The following KCTD1 variants were observed in gnomAD, a reference collection of about 807,000 sequenced individuals.
KCTD1 encodes the protein potassium channel tetramerization domain containing 1, also known as BTB/POZ domain-containing protein KCTD1.
Under a neutral mutation model 66.0 loss-of-function variants are expected in KCTD1, and 24 were observed. The ratio of observed to expected loss-of-function variants is 0.36; its 90% confidence interval spans 0.26 to 0.51. KCTD1 has a LOEUF of 0.51. KCTD1 is among the 20% of genes least tolerant of loss of function. The pLI is 0.95. For missense variants in KCTD1, 943 were observed against 1,205.2 expected, an observed-to-expected ratio of 0.78 and a Z score of 3.22; for synonymous variants, 511 against 517.2, an observed-to-expected ratio of 0.99 and a Z score of 0.16.
intron 1 of KCTD1, among the ~76,000 whole-genome samples, chr18:26,638,928 A>G (rs1388503272): frequency 6.6e-6 from 1 of 152,226 alleles, no homozygotes; most frequent in Non-Finnish European, 1.5e-5. Flanking sequence ...CCTGCATGCA[A>G]CAGCCTCCGT....
intron 2 of KCTD1, among the ~76,000 whole-genome samples, chr18:26,496,993 CT>C (rs897184215): frequency 6.6e-6 from 1 of 152,116 alleles, no homozygotes; most frequent in Non-Finnish European, 1.5e-5. Context: ...GGAGCAGGGC[CT>C]TGCATGGCTT....
At chr18:26,638,095 C>G (rs1352947317) in intron 1 of KCTD1, among the ~76,000 whole-genome samples, 1 of 152,220 alleles carries the variant, frequency 6.6e-6, no homozygotes, top group Non-Finnish European at 1.5e-5. Context: ...ATATCCAGGT[C>G]TTTTGCACTC....
intron 4 of KCTD1, chr18:26,457,571 G>C (rs530669967): frequency 1.4e-4 from 22 of 152,156 alleles, no homozygotes; most frequent in African/African-American, 5.3e-4. Flanking sequence ...GCTCTTCTTC[G>C]GAGTCCGATA....
intron 3 of KCTD1, among the ~76,000 whole-genome samples, chr18:26,461,630 C>G (rs182779092): frequency 2.1e-4 from 32 of 152,334 alleles, no homozygotes; most frequent in African/African-American, 7.7e-4. Context: ...GGGATCCCCA[C>G]TCTGGGGCTT....
At chr18:26,554,025 AAAAG>A (rs1008495791) in intron 1 of KCTD1, among the ~76,000 whole-genome samples, 10 of 151,748 alleles carry the variant, frequency 6.6e-5, no homozygotes, top group African/African-American at 2.4e-4. Context: ...AAGATGAAAG[AAAAG>A]AAAGGAAGGA....
At chr18:26,650,449 T>C (rs1988009286) in intron 1 of KCTD1, among the ~76,000 whole-genome samples, 1 of 152,242 alleles carries the variant, frequency 6.6e-6, no homozygotes, top group Non-Finnish European at 1.5e-5. Flanking sequence ...TCTGAGTGCT[T>C]ATTTTGTGCT....
intron 3 of KCTD1, among the ~76,000 whole-genome samples, chr18:26,472,813 C>T (rs1361077549): frequency 6.6e-6 from 1 of 152,234 alleles, no homozygotes; most frequent in Non-Finnish European, 1.5e-5. Flanking sequence ...TAGAACAGTC[C>T]TGGTTCTCTC....
intron 1 of KCTD1, among the ~76,000 whole-genome samples, chr18:26,522,180 G>C (rs1184979193): frequency 6.6e-6 from 1 of 152,164 alleles, no homozygotes. Context: ...TTGGAAATAG[G>C]GTTGCTGCAG....
intron 1 of KCTD1, among the ~76,000 whole-genome samples, chr18:26,615,707 ATTGG>A (rs1236994403): frequency 6.6e-6 from 1 of 152,188 alleles, no homozygotes; most frequent in Non-Finnish European, 1.5e-5. Context: ...GCATGTTTTT[ATTGG>A]TTGGAGACAA....
intron 3 of KCTD1, among the ~76,000 whole-genome samples, chr18:26,463,966 T>A (rs76509174): frequency 6.6e-6 from 1 of 152,114 alleles, no homozygotes; most frequent in Admixed American, 6.5e-5. Flanking sequence ...AAAACAGACA[T>A]GGGTGGTGGA....
intron 1 of KCTD1, among the ~76,000 whole-genome samples, chr18:26,580,713 C>T (rs1466892841): frequency 6.6e-6 from 1 of 151,982 alleles, no homozygotes; most frequent in Non-Finnish European, 1.5e-5. Flanking sequence ...TAATCCGGCC[C>T]CCTATCTATT....
chr18:26,621,127 A>G (rs1480885907), intron 1 of KCTD1, among the ~76,000 whole-genome samples: 1 of 152,186 alleles, frequency 6.6e-6, no homozygotes. Context: ...GCCACCGTGC[A>G]CGGCCGAAAA....
chr18:26,543,135 A>G (rs2144820020), intron 1 of KCTD1: 1 of 152,360 alleles, frequency 6.6e-6, no homozygotes, highest in South Asian at 2.1e-4. Flanking sequence ...GAAGAAAGTT[A>G]TATACTTATG....
At chr18:26,628,934 G>A (rs945227083) in intron 1 of KCTD1, among the ~76,000 whole-genome samples, 3 of 152,164 alleles carry the variant, frequency 2.0e-5, no homozygotes, top group Non-Finnish European at 2.9e-5. Flanking sequence ...GAGAGTTTCC[G>A]ATTACTCTTC....
upstream of KCTD1, chr18:26,549,587 A>T: frequency 1.4e-6 from 1 of 740,178 alleles, no homozygotes. Flanking sequence ...AAGTGACACA[A>T]CTCCCTCGGG....
rs937427173 is a variant in KCTD1 at position 26,657,348 on chromosome 18, G to A, written c.9+12C>T. On this transcript the variant is annotated intron_variant, in intron 1 of 4. Transcript: ENST00000580191. The stretch of plus-strand genomic sequence containing the variant: ...TAGCAAATAATAACAAACCCAAACC[G>A]TCAGATCTTACCTGAAACATTGAAG... 6.1e-6 allele frequency: 6 copies of A among 985,242 alleles called. No individual in the cohort carries two copies. In the African/African-American group the frequency reaches 8.7e-5, roughly 14 times the overall value. 61.0% of individuals were successfully genotyped at this position (985,242 alleles called of 1,614,324 possible).
intron 1 of KCTD1, among the ~76,000 whole-genome samples, chr18:26,635,688 A>C (rs1435880236): frequency 6.6e-6 from 1 of 152,166 alleles, no homozygotes; most frequent in Non-Finnish European, 1.5e-5. Flanking sequence ...AAGGGTCTGC[A>C]TTTCTAACAA....
chr18:26,580,026 A>G (rs1456569189), intron 1 of KCTD1, among the ~76,000 whole-genome samples: 6 of 152,144 alleles, frequency 3.9e-5, no homozygotes, highest in Non-Finnish European at 7.3e-5. Flanking sequence ...GGTAAGTTCC[A>G]TTTTTAGTAA....
At chr18:26,557,987 G>A (rs925923413) in intron 1 of KCTD1, among the ~76,000 whole-genome samples, 1 of 152,166 alleles carries the variant, frequency 6.6e-6, no homozygotes, top group Non-Finnish European at 1.5e-5. Flanking sequence ...GACATTCTCT[G>A]TTTCATCTCC....
Sources: gnomAD v4.1 joint callset for allele counts (sites outside exome capture counted in the v4.1 genomes callset) on GRCh38, gnomAD v4.1.1 for gene constraint, MANE v1.5 for transcripts, NCBI Gene and HGNC (gene_info 2026-07-23, HGNC 2026-07-21) for gene names.